PLAAT1: variants seen among roughly 807,000 people sequenced by gnomAD.
The protein encoded by PLAAT1 is phospholipase A and acyltransferase 1.
In PLAAT1, 13 loss-of-function variants were observed where a neutral mutation model predicts 16.4. The ratio of observed to expected loss-of-function variants is 0.79; its 90% confidence interval spans 0.52 to 1.26. PLAAT1 has a LOEUF of 1.26. PLAAT1 is among the 50% of genes most tolerant of loss of function. The pLI, the probability that PLAAT1 is intolerant of heterozygous loss-of-function variation, is 0.00. For missense variants in PLAAT1, 218 were observed against 207.8 expected, an observed-to-expected ratio of 1.05 and a Z score of -0.30; for synonymous variants, 73 against 78.4, an observed-to-expected ratio of 0.93 and a Z score of 0.36.
At chr3:193,275,260 T>G (rs1446570816), downstream of PLAAT1, 2 of 1,614,076 alleles carry the variant, frequency 1.2e-6, no homozygotes, top group Admixed American at 3.3e-5. Flanking sequence ...CCAAATTCTC[T>G]TTTGATCAAC....
At chr3:193,251,074 G>A (rs758355556) in intron 1 of PLAAT1, among the ~76,000 whole-genome samples, 2 of 152,098 alleles carry the variant, frequency 1.3e-5, no homozygotes, top group Non-Finnish European at 2.9e-5. Flanking sequence ...TGCAGGTGGA[G>A]TCTTCTAGTC....
intron 3 of PLAAT1, among the ~76,000 whole-genome samples, chr3:193,269,196 A>G (rs557052889): frequency 6.6e-6 from 1 of 152,314 alleles, no homozygotes; most frequent in Admixed American, 6.5e-5. Context: ...ATTATCTCTT[A>G]GGAAATAGTT....
chr3:193,270,787 T>A lies in PLAAT1; in HGVS notation c.*82T>A. 2.7e-6 allele frequency: 4 copies of A among 1,505,074 alleles called. No homozygotes were observed. The South Asian group carries it at 5.4e-5, about 20-fold the overall frequency. 93.2% of individuals were successfully genotyped at this position (1,505,074 alleles called of 1,614,324 possible). On this transcript the variant is annotated 3_prime_UTR_variant, in exon 4 of 4. Transcript: ENST00000264735. ...GGGGTGAATACTTATTTTCAGTGCA[T>A]CATTACTGTTCCAGATTCCTATGAT...
chr3:193,259,192 C>T (rs527317090), intron 2 of PLAAT1, among the ~76,000 whole-genome samples: 3 of 152,226 alleles, frequency 2.0e-5, no homozygotes, highest in East Asian at 3.9e-4. Flanking sequence ...CACAACATCC[C>T]TTCATGTTAA....
chr3:193,272,394 A>G (rs993102424), downstream of PLAAT1, among the ~76,000 whole-genome samples: 1 of 152,178 alleles, frequency 6.6e-6, no homozygotes, highest in African/African-American at 2.4e-5. Context: ...GTGAGCCGAG[A>G]TCACTCCACT....
At chr3:193,246,435 A>G (rs13090024) in intron 1 of PLAAT1, among the ~76,000 whole-genome samples, 72,084 of 151,738 alleles carry the variant, frequency 0.48, 17,620 homozygotes, top group Admixed American at 0.56. Context: ...TGTGATCTTG[A>G]CTCACTGCAA....
At chr3:193,275,973 C>T (rs13084990) in intron 2 of PLAAT1, among the ~76,000 whole-genome samples, 1 of 151,892 alleles carries the variant, frequency 6.6e-6, no homozygotes, top group Non-Finnish European at 1.5e-5. Flanking sequence ...GCTATTTAAA[C>T]AAACAGCATC....
In PLAAT1 at chr3:193,264,981, C is replaced by T. The variant is rs11928278; in HGVS notation, c.405+1746C>T. 3.5e-3 allele frequency among the ~76,000 whole-genome samples: 536 copies of T among 152,238 alleles called. 5 individuals are homozygous for T. The highest frequency in any genetic ancestry group is 0.012 in the African/African-American group (497 of 41,556). ...ATGAGATTTCGCTTCACACTCAATA[C>T]GATTGCTATAATACAAAAGATAGTA... On this transcript the variant is annotated intron_variant, in intron 3 of 3. Transcript: ENST00000264735.
Position 193,270,653 on chromosome 3 carries a change from T to A in PLAAT1, c.455T>A (p.Val152Asp). 1 of 1,613,828 alleles carries A rather than the reference T, an allele frequency of 6.2e-7. No homozygotes were observed. Among genetic ancestry groups the A allele is most frequent in the East Asian group, 2.2e-5 (1 of 44,858 alleles). ...GAGTTTGTGACAGCTGCTGTTGGTG[T>A]CTTCTCATTCCTGGGCTTGTTTCCA... ...TVEFVTAAVGVFSFLGLFPKG... is the reference protein window; with the variant it reads ...TVEFVTAAVGDFSFLGLFPKG... Residue 152 changes from valine to aspartate, a missense_variant, in exon 4 of 4, where the codon GTC (valine) becomes GAC (aspartate). Val to Asp is a radical substitution (Grantham distance 152). Transcript: ENST00000264735.
At chr3:193,258,335 A>T (rs1472353236) in intron 2 of PLAAT1, among the ~76,000 whole-genome samples, 2 of 152,174 alleles carry the variant, frequency 1.3e-5, no homozygotes, top group East Asian at 3.9e-4. Context: ...TAACAACCTA[A>T]TATTGCACAT....
At chr3:193,254,699 T>C (rs926835543) in intron 1 of PLAAT1, among the ~76,000 whole-genome samples, 1 of 152,194 alleles carries the variant, frequency 6.6e-6, no homozygotes, top group African/African-American at 2.4e-5. Flanking sequence ...CAAGTTGTCC[T>C]GCGTCTGCTG....
intron 3 of PLAAT1, among the ~76,000 whole-genome samples, chr3:193,269,679 A>G (rs1716918080): frequency 6.6e-6 from 1 of 152,212 alleles, no homozygotes; most frequent in African/African-American, 2.4e-5. Context: ...TGATTCTTCA[A>G]TCCCAGAGAG....
At position 193,241,477 on chromosome 3, in the gene PLAAT1, C is replaced by T. The variant is rs1404691055; in HGVS notation, c.-57C>T. 4 of 1,231,894 alleles carry T rather than the reference C, an allele frequency of 3.2e-6. No homozygotes were observed. The African/African-American group carries it at 6.2e-5, about 19-fold the overall frequency. 76.3% of individuals were successfully genotyped at this position (1,231,894 alleles called of 1,614,324 possible). ...GGCAGCTGCGAGGCCAAGAGAGACC[C>T]CAGGACACACACAGCTGCCTCCCGG... On this transcript the variant is annotated 5_prime_UTR_variant, in exon 1 of 4. Coordinates refer to ENST00000264735, the MANE Select transcript of PLAAT1 (RefSeq NM_020386.5).
At chr3:193,266,857 A>G (rs1577311445) in intron 3 of PLAAT1, among the ~76,000 whole-genome samples, 1 of 152,188 alleles carries the variant, frequency 6.6e-6, no homozygotes, top group East Asian at 1.9e-4. Context: ...TACTACTAAT[A>G]ATAGCTAATA....
upstream of PLAAT1, chr3:193,241,210 C>A: frequency 8.2e-7 from 1 of 1,222,708 alleles, no homozygotes; most frequent in Non-Finnish European, 1.0e-6. Context: ...GCGGAGCGGG[C>A]GGCTCCCCAT....
chr3:193,252,842 C>T (rs746672218), intron 1 of PLAAT1, among the ~76,000 whole-genome samples: 1 of 152,054 alleles, frequency 6.6e-6, no homozygotes, highest in Non-Finnish European at 1.5e-5. Context: ...AGTTAAACTA[C>T]CTGCCTGGTT....
intron 2 of PLAAT1, among the ~76,000 whole-genome samples, chr3:193,259,132 A>G (rs1418021979): frequency 6.6e-6 from 1 of 152,224 alleles, no homozygotes; most frequent in Admixed American, 6.5e-5. Context: ...ACATAAACCA[A>G]GTGAAAACCA....
chr3:193,251,457 C>T (rs952658440), intron 1 of PLAAT1, among the ~76,000 whole-genome samples: 9 of 152,160 alleles, frequency 5.9e-5, no homozygotes, highest in African/African-American at 2.2e-4. Context: ...AGATTGGAAG[C>T]TGGGCTGATT....
chr3:193,250,822 C>T (rs932045689), intron 1 of PLAAT1, among the ~76,000 whole-genome samples: 1 of 152,044 alleles, frequency 6.6e-6, no homozygotes, highest in African/African-American at 2.4e-5. Context: ...GAAGAAGCCC[C>T]TGCCCTGCCC....
Sources: gnomAD v4.1 joint callset for allele counts (sites outside exome capture counted in the v4.1 genomes callset) on GRCh38, gnomAD v4.1.1 for gene constraint, MANE v1.5 for transcripts, NCBI Gene and HGNC (gene_info 2026-07-23, HGNC 2026-07-21) for gene names.